PGR: variants seen among roughly 807,000 people sequenced by gnomAD.
PGR encodes progesterone receptor.
PGR carries 25 observed loss-of-function variants against 76.1 expected under a neutral mutation model. The ratio of observed to expected loss-of-function variants is 0.33; its 90% confidence interval spans 0.24 to 0.46. The LOEUF (loss-of-function observed/expected upper bound fraction) is 0.46. PGR is among the 20% of genes least tolerant of loss of function. The probability of loss-of-function intolerance (pLI) is 1.00; values close to 1 mark genes in which losing one functional copy is unlikely to be tolerated. For synonymous variants in PGR, 579 were observed against 535.0 expected, an observed-to-expected ratio of 1.08 and a Z score of -1.14; for missense variants, 1,172 against 1,225.3, an observed-to-expected ratio of 0.96 and a Z score of 0.65.
In PGR at chr11:101,031,686, G is replaced by T; in HGVS notation, c.*7430C>A. 4.6e-6 allele frequency: 1 copy of T among 218,290 alleles called. No homozygotes were observed. The highest frequency in any genetic ancestry group is 9.1e-6 in the Non-Finnish European group (1 of 109,322). 13.5% of individuals were successfully genotyped at this position (218,290 alleles called of 1,614,324 possible). ...CATGACATCATTATTTGTATACAAT[G>T]CAGCAAGAATTTTGTTTTTAATGTA... is the stretch of plus-strand genomic sequence containing the variant. On this transcript the variant is annotated 3_prime_UTR_variant, in exon 8 of 8. Transcript: ENST00000325455.
intron 4 of PGR, among the ~76,000 whole-genome samples, chr11:101,060,725 T>A (rs1184896954): frequency 6.6e-6 from 1 of 152,194 alleles, no homozygotes; most frequent in Non-Finnish European, 1.5e-5. Context: ...AATCTCAATG[T>A]TTCCCTGTTT....
At position 101,058,141 on chromosome 11, in the gene PGR, T is replaced by C. The variant is rs567749536; in HGVS notation, c.2212+4306A>G. Among the ~76,000 whole-genome samples, 3 of 152,228 alleles carry C rather than the reference T, an allele frequency of 2.0e-5. No homozygotes were observed. The South Asian group carries it at 6.2e-4, about 32-fold the overall frequency. ...CCTAAGCAAGAGTCTTAGCAAGAAA[T>C]AGTTACTTTGCCAATAGTCCCAGAG... On this transcript the variant is annotated intron_variant, in intron 4 of 7. Transcript: ENST00000325455.
At chr11:101,098,010 T>C (rs960775925) in intron 2 of PGR, among the ~76,000 whole-genome samples, 1 of 152,096 alleles carries the variant, frequency 6.6e-6, no homozygotes, top group African/African-American at 2.4e-5. Flanking sequence ...TCTCCTGACC[T>C]TGTGATCCTC....
intron 2 of PGR, among the ~76,000 whole-genome samples, chr11:101,123,866 T>G (rs1862757342): frequency 6.6e-6 from 1 of 152,230 alleles, no homozygotes; most frequent in Non-Finnish European, 1.5e-5. Context: ...CCTCCCTAAC[T>G]ATATTACAAG....
At chr11:101,051,359 A>G (rs973751117) in intron 5 of PGR, 65 bp downstream of exon 5, 30 of 1,067,322 alleles carry the variant, frequency 2.8e-5, no homozygotes, top group Non-Finnish European at 4.2e-5. Flanking sequence ...CTATTGAAAT[A>G]TAACTTTCAA....
In PGR at chr11:101,128,020, T is replaced by A; in HGVS notation, c.1051A>T (p.Thr351Ser). 2 of 1,608,990 alleles carry A rather than the reference T, an allele frequency of 1.2e-6. No homozygotes were observed. The highest frequency in any genetic ancestry group is 1.7e-6 in the Non-Finnish European group (2 of 1,179,748). ...PPRSSPCASS[T>S]PVAVGDFPDC... ...GGGAAGTCGCCTACAGCGACCGGGG[T>A]GGACGAGGCACAGGGTGAACTCCGC... is the stretch of plus-strand genomic sequence containing the variant. Residue 351 changes from threonine (T) to serine (S), a missense_variant, in exon 1 of 8, where the codon ACC (threonine) becomes TCC (serine). Physicochemically the swap from Thr to Ser is moderately conservative, Grantham distance 58. This residue lies in a region of PGR where 893 missense variants were observed against 785.9 expected (regional missense o/e 1.14). Coordinates refer to ENST00000325455, the MANE Select transcript of PGR (RefSeq NM_000926.4).
chr11:101,060,989 C>T (rs1860473407), intron 4 of PGR, among the ~76,000 whole-genome samples: 1 of 152,062 alleles, frequency 6.6e-6, no homozygotes, highest in Admixed American at 6.6e-5. Context: ...TCTAACGTTA[C>T]CAGCTGATGC....
chr11:101,088,800 T>G (rs1383321223), intron 3 of PGR, among the ~76,000 whole-genome samples: 2 of 152,116 alleles, frequency 1.3e-5, no homozygotes, highest in East Asian at 3.9e-4. Context: ...CCATTAATAG[T>G]GGATTGGACA....
At chr11:101,053,332 C>G (rs1433986300) in intron 4 of PGR, among the ~76,000 whole-genome samples, 1 of 151,782 alleles carries the variant, frequency 6.6e-6, no homozygotes, top group Non-Finnish European at 1.5e-5. Context: ...TCAGATCGTC[C>G]CATCTTCATG....
chr11:101,106,311 T>C (rs987252923), intron 2 of PGR, among the ~76,000 whole-genome samples: 3 of 152,024 alleles, frequency 2.0e-5, no homozygotes, highest in Non-Finnish European at 2.9e-5. Flanking sequence ...TGGAAGAAAA[T>C]TTTTGCAATC....
chr11:101,087,785 C>T (rs776996180), intron 3 of PGR, among the ~76,000 whole-genome samples: 19 of 151,702 alleles, frequency 1.3e-4, no homozygotes, highest in Non-Finnish European at 2.8e-4. Context: ...CTTGAACAGA[C>T]ATTTCTCAAA....
At chr11:101,081,930 G>T (rs1192169023) in intron 3 of PGR, among the ~76,000 whole-genome samples, 1 of 152,128 alleles carries the variant, frequency 6.6e-6, no homozygotes, top group African/African-American at 2.4e-5. Context: ...AACGTAAATG[G>T]TCTAAATGCC....
rs759862685 is a variant in PGR, at chr11:101,127,694, C to G, written c.1377G>C (p.Glu459Asp). 145 of 1,581,984 alleles carry G rather than the reference C, an allele frequency of 9.2e-5. No individual in the cohort carries two copies. The East Asian group carries it at 2.2e-3, about 24-fold the overall frequency. ...CGCCCTCCGCTTTGTACAGGATGCA[C>G]TCCAGGGTCGACCCCGAGGAGGACG... ...SSASSSGSTL[E>D]CILYKAEGAP... is the part of the protein sequence containing the mutation. Residue 459 changes from glutamate to aspartate, a missense_variant, in exon 1 of 8, where the codon GAG becomes GAC. Glu to Asp is a conservative substitution (Grantham distance 45, BLOSUM62 2). Coordinates refer to ENST00000325455, the MANE Select transcript of PGR (RefSeq NM_000926.4).
intron 3 of PGR, among the ~76,000 whole-genome samples, chr11:101,082,517 A>G (rs1390495609): frequency 6.6e-6 from 1 of 152,200 alleles, no homozygotes; most frequent in African/African-American, 2.4e-5. Context: ...TGATAGTGAC[A>G]TGGACAATGA....
intron 3 of PGR, among the ~76,000 whole-genome samples, chr11:101,065,791 G>A (rs79668670): frequency 1.3e-5 from 2 of 151,826 alleles, no homozygotes; most frequent in Non-Finnish European, 2.9e-5. Flanking sequence ...GGTGAGCAAG[G>A]GGGGATAAGA....
chr11:101,103,841 T>TA (rs34836796), intron 2 of PGR, among the ~76,000 whole-genome samples: 1 of 152,228 alleles, frequency 6.6e-6, no homozygotes, highest in Non-Finnish European at 1.5e-5. Flanking sequence ...CCTTTTGATC[T>TA]AAAAAGTAAA....
chr11:101,102,431 T>C (rs1210768824), intron 2 of PGR, among the ~76,000 whole-genome samples: 1 of 152,176 alleles, frequency 6.6e-6, no homozygotes, highest in African/African-American at 2.4e-5. Flanking sequence ...CCTTAAAGTT[T>C]TTTGTATGTT....
At chr11:101,049,435 T>C (rs1017512966) in intron 6 of PGR, among the ~76,000 whole-genome samples, 6 of 152,226 alleles carry the variant, frequency 3.9e-5, no homozygotes, top group African/African-American at 1.4e-4. Context: ...CTGTACATAA[T>C]TGTATGTGCT....
At chr11:101,123,165 G>A (rs1031767768) in intron 2 of PGR, among the ~76,000 whole-genome samples, 6 of 152,130 alleles carry the variant, frequency 3.9e-5, no homozygotes, top group Non-Finnish European at 7.4e-5. Context: ...CATTTGTAAA[G>A]TGGGAGTAAT....
Sources: gnomAD v4.1 joint callset for allele counts (sites outside exome capture counted in the v4.1 genomes callset) on GRCh38, gnomAD v4.1.1 for gene constraint, gnomAD v4.1.1 regional missense constraint, MANE v1.5 for transcripts, NCBI Gene and HGNC (gene_info 2026-07-23, HGNC 2026-07-21) for gene names.